The following FNIP2 variants were observed in gnomAD, a reference collection of about 807,000 sequenced individuals.
The protein encoded by FNIP2 is folliculin-interacting protein 2.
A neutral mutation model predicts 108.7 loss-of-function variants in FNIP2; 32 were observed. The ratio of observed to expected loss-of-function variants is 0.29; its 90% CI spans 0.22 to 0.40. The LOEUF is 0.40. Among genes scored for constraint, FNIP2 ranks in the 10% least tolerant of loss-of-function variants. The pLI is 1.00. For missense variants in FNIP2, 1,202 were observed against 1,381.6 expected (o/e 0.87, Z 2.06); for synonymous variants, 480 against 496.7 (o/e 0.97, Z 0.45).
intron 12 of FNIP2, among the ~76,000 whole-genome samples, chr4:158,865,224 A>T (rs1780514368): frequency 6.6e-6 from 1 of 152,222 alleles, no homozygotes; most frequent in Admixed American, 6.5e-5. Flanking sequence ...TTCTAAGTGT[A>T]CAGTTCAGTC....
intron 14 of FNIP2, among the ~76,000 whole-genome samples, chr4:158,881,765 C>G (rs1348957397): frequency 1.3e-5 from 2 of 152,224 alleles, no homozygotes; most frequent in African/African-American, 4.8e-5. Context: ...CAATGTTGCC[C>G]AGGCTGGAGT....
chr4:158,844,318 A>G (rs970422125), intron 7 of FNIP2, among the ~76,000 whole-genome samples: 1 of 152,170 alleles, frequency 6.6e-6, no homozygotes, highest in African/African-American at 2.4e-5. Flanking sequence ...AAGTAGGAGT[A>G]TGCTTGGATT....
chr4:158,851,513 A>G (rs1779700412), intron 8 of FNIP2, 63 bp downstream of exon 8: 2 of 1,593,406 alleles, frequency 1.3e-6, no homozygotes, highest in Non-Finnish European at 8.6e-7. Flanking sequence ...TGAAACTGGC[A>G]GGGAGGCTGT....
At chr4:158,836,327 A>T (rs1381324299) in intron 7 of FNIP2, 1 of 151,582 alleles carries the variant, frequency 6.6e-6, no homozygotes, top group Non-Finnish European at 1.5e-5. Flanking sequence ...CTTTTAACCC[A>T]CTCTGTGCAA....
At position 158,887,001 on chromosome 4, in the gene FNIP2, A is replaced by C. The variant is rs185519102; in HGVS notation, c.2950-4445A>C. Among the ~76,000 whole-genome samples, 23 of 152,338 alleles carry C rather than the reference A, an allele frequency of 1.5e-4. No homozygotes were observed. The East Asian group carries it at 4.2e-3, about 28-fold the overall frequency. ...TCTTACTAAACTGACAGGTATCCATAGCATATCTCCCTTTTCCTTAAGGTG... is the reference window on the plus strand; with the variant it reads ...TCTTACTAAACTGACAGGTATCCATCGCATATCTCCCTTTTCCTTAAGGTG... On this transcript the variant is annotated intron_variant, in intron 14 of 16. Coordinates refer to ENST00000264433, the MANE Select transcript of FNIP2 (RefSeq NM_020840.3).
chr4:158,811,041 G>C (rs1257169809), intron 1 of FNIP2, among the ~76,000 whole-genome samples: 1 of 152,168 alleles, frequency 6.6e-6, no homozygotes, highest in Non-Finnish European at 1.5e-5. Flanking sequence ...GGGAATTGGA[G>C]AGAGCAATAA....
Position 158,851,318 on chromosome 4 carries a change from C to T in FNIP2, c.728-3C>T, listed in dbSNP as rs766353018. 1 of 1,613,788 alleles carries T rather than the reference C, an allele frequency of 6.2e-7. No homozygotes were observed. The highest frequency in any genetic ancestry group is 1.7e-5 in the Admixed American group (1 of 60,000). On this transcript the variant is annotated splice_region_variant and splice_polypyrimidine_tract_variant and intron_variant, in intron 7 of 16. Transcript: ENST00000264433. ...ACTTTCAAATTCCAAATTCTTCCTA[C>T]AGCCTCACTAAGCAGTCTTTTGATC...
At chr4:158,888,577 C>G (rs1455468024) in intron 14 of FNIP2, among the ~76,000 whole-genome samples, 1 of 152,178 alleles carries the variant, frequency 6.6e-6, no homozygotes, top group Non-Finnish European at 1.5e-5. Context: ...ACTCAGGTCT[C>G]TACCTCAGAT....
rs775584067 is a variant in FNIP2, at chr4:158,868,609, C to A, written c.1973C>A (p.Pro658Gln). Residue 658 changes from proline (P) to glutamine (Q), a missense_variant, in exon 13 of 17, where the codon CCG (proline) becomes CAG (glutamine). This residue lies in a region of FNIP2 where 878 missense variants were observed against 990.3 expected (regional missense o/e 0.89). Coordinates refer to ENST00000264433, the MANE Select transcript of FNIP2 (RefSeq NM_020840.3). The surrounding 1 kb of genome is among the most constrained non-coding windows in gnomAD (Gnocchi z 4.6). ...FCGDEKNKEA[P>Q]QDGSSRLPSC... is the part of the protein sequence containing the mutation. ...GGGGATGAGAAAAATAAAGAGGCAC[C>A]GCAAGATGGCTCTTCAAGACTTCCC... The A allele has an allele frequency of 3.7e-6, 6 of 1,613,794 alleles. No homozygotes were observed. Among genetic ancestry groups the A allele is most frequent in the Non-Finnish European group, 5.1e-6 (6 of 1,179,800 alleles).
chr4:158,871,853 A>AT (rs1447456532), intron 14 of FNIP2: 1 of 985,288 alleles, frequency 1.0e-6, no homozygotes, highest in Non-Finnish European at 1.2e-6. Context: ...AAATGCCCTC[A>AT]TTGTATAATG....
chr4:158,779,862 G>T (rs1261493109), intron 1 of FNIP2, among the ~76,000 whole-genome samples: 2 of 151,262 alleles, frequency 1.3e-5, no homozygotes, highest in Non-Finnish European at 2.9e-5. Flanking sequence ...GGGATTACAA[G>T]CATAAGCCAC....
chr4:158,778,783 G>A lies in FNIP2; in HGVS notation c.107+9464G>A, dbSNP rs750546238. ...GAAAGGTATCGCCTGTGGATAAGAGGGCACTACTGTAATTTTACCAGTCCT... is the reference window on the plus strand; with the variant it reads ...GAAAGGTATCGCCTGTGGATAAGAGAGCACTACTGTAATTTTACCAGTCCT... On this transcript the variant is annotated intron_variant, in intron 1 of 16. Transcript: ENST00000264433. Among the ~76,000 whole-genome samples the A allele has an allele frequency of 3.7e-4, 57 of 152,236 alleles. No homozygotes were observed. The Middle Eastern group carries it at 0.01, about 27-fold the overall frequency.
intron 7 of FNIP2, among the ~76,000 whole-genome samples, chr4:158,837,887 G>T (rs1184567811): frequency 1.3e-5 from 2 of 152,192 alleles, no homozygotes; most frequent in African/African-American, 4.8e-5. Context: ...GCTGCAAATG[G>T]CCCTGAGTGG....
At position 158,872,513 on chromosome 4, in the gene FNIP2, C is replaced by T. The variant is rs1055913777; in HGVS notation, c.2949+2044C>T. ...ATCGAAAGTTATTAAGCATAATAACCTATATTGTGTCAAATTGTGGGTACA... is the reference window on the plus strand; with the variant it reads ...ATCGAAAGTTATTAAGCATAATAACTTATATTGTGTCAAATTGTGGGTACA... On this transcript the variant is annotated intron_variant, in intron 14 of 16. Coordinates refer to ENST00000264433, the MANE Select transcript of FNIP2 (RefSeq NM_020840.3). 7.1e-6 allele frequency: 7 copies of T among 985,208 alleles called. No homozygotes were observed. In the African/African-American group the frequency reaches 1.2e-4, roughly 17 times the overall value. 61.0% of individuals were successfully genotyped at this position (985,208 alleles called of 1,614,324 possible).
chr4:158,786,189 G>A (rs1466031431), intron 1 of FNIP2, among the ~76,000 whole-genome samples: 4 of 152,188 alleles, frequency 2.6e-5, no homozygotes, highest in Non-Finnish European at 4.4e-5. Context: ...TTATGAAAAT[G>A]TTAAGTTCAG....
chr4:158,851,264 T>C, intron 7 of FNIP2, 57 bp from the exon 8 acceptor site: 1 of 1,590,126 alleles, frequency 6.3e-7, no homozygotes, highest in Non-Finnish European at 8.6e-7. Context: ...TTGTGCATTA[T>C]GTAGCTACAT....
chr4:158,854,923 A>G (rs775415363), intron 8 of FNIP2, among the ~76,000 whole-genome samples: 30 of 152,190 alleles, frequency 2.0e-4, no homozygotes, highest in Non-Finnish European at 3.4e-4. Context: ...TGTGACCAGC[A>G]CTTACAAAGG....
At chr4:158,844,074 G>A (rs888701940) in intron 7 of FNIP2, among the ~76,000 whole-genome samples, 3 of 152,208 alleles carry the variant, frequency 2.0e-5, no homozygotes, top group Non-Finnish European at 2.9e-5. Context: ...CTGAGTGCTT[G>A]ACTTCTGCAC....
intron 13 of FNIP2, 111 bp downstream of exon 13, chr4:158,869,539 C>T (rs1319899649): frequency 1.3e-5 from 18 of 1,359,276 alleles, no homozygotes; most frequent in Non-Finnish European, 1.7e-5. Flanking sequence ...CACACAGTAT[C>T]TTTTTTTCCA....
Sources: allele counts gnomAD v4.1 joint callset (sites outside exome capture counted in the v4.1 genomes callset), GRCh38; gene constraint gnomAD v4.1.1; regional missense constraint gnomAD v4.1.1; non-coding constraint Gnocchi (gnomAD v3.1); transcripts MANE v1.5; gene names NCBI Gene and HGNC (gene_info 2026-07-23, HGNC 2026-07-21).